Variants in TRPC6 observed in about 807,000 individuals in gnomAD.
The protein encoded by TRPC6 is transient receptor potential cation channel subfamily C member 6, also known as short transient receptor potential channel 6.
Under a neutral mutation model 90.7 loss-of-function variants are expected in TRPC6, and 55 were observed. That is an observed-to-expected ratio of 0.61 (90% CI 0.49 to 0.76). The LOEUF (loss-of-function observed/expected upper bound fraction) is 0.76, where lower values mean the gene tolerates loss of function less well. Ranked by LOEUF, TRPC6 falls within the 30% of genes least tolerant of loss-of-function variation. The probability of loss-of-function intolerance (pLI) is 0.00; values close to 1 mark genes in which losing one functional copy is unlikely to be tolerated. For missense variants in TRPC6, 989 were observed against 1,122.7 expected (o/e 0.88, Z 1.70); for synonymous variants, 393 against 393.0 (o/e 1.00, Z 0.00).
At chr11:101,463,755 G>A (rs1253365624) in intron 10 of TRPC6, among the ~76,000 whole-genome samples, 4 of 152,110 alleles carry the variant, frequency 2.6e-5, no homozygotes, top group Non-Finnish European at 5.9e-5. Flanking sequence ...CAAAAAACCA[G>A]CTCCTGCATT....
At chr11:101,503,361 C>T (rs1182886242) in intron 2 of TRPC6, among the ~76,000 whole-genome samples, 2 of 152,160 alleles carry the variant, frequency 1.3e-5, no homozygotes, top group Non-Finnish European at 2.9e-5. Flanking sequence ...TATCTTTTCC[C>T]TCATTCTCTG....
chr11:101,484,838 A>G, intron 4 of TRPC6, among the ~76,000 whole-genome samples: 1 of 152,098 alleles, frequency 6.6e-6, no homozygotes, highest in East Asian at 1.9e-4. Context: ...AATTTTTGTT[A>G]TAAGATACAC....
chr11:101,563,546 T>A, intron 1 of TRPC6, among the ~76,000 whole-genome samples: 1 of 150,950 alleles, frequency 6.6e-6, no homozygotes, highest in Non-Finnish European at 1.5e-5. Flanking sequence ...TAGGTAATCT[T>A]TTTTTTTATT....
At chr11:101,485,728 G>C (rs564914809) in intron 4 of TRPC6, among the ~76,000 whole-genome samples, 33 of 152,240 alleles carry the variant, frequency 2.2e-4, no homozygotes, top group African/African-American at 7.0e-4. Flanking sequence ...TCATACAGTA[G>C]AGCGTAAATT....
intron 1 of TRPC6, among the ~76,000 whole-genome samples, chr11:101,557,920 T>C (rs1054746387): frequency 6.6e-6 from 1 of 152,140 alleles, no homozygotes; most frequent in African/African-American, 2.4e-5. Context: ...AGAATTAATA[T>C]TATTAAAGGT....
At chr11:101,483,375 T>C (rs1185508088) in intron 4 of TRPC6, among the ~76,000 whole-genome samples, 1 of 152,194 alleles carries the variant, frequency 6.6e-6, no homozygotes, top group Non-Finnish European at 1.5e-5. Context: ...ATGTTCTTGA[T>C]TAATAACTAA....
chr11:101,538,246 T>A (rs903483296), intron 1 of TRPC6, among the ~76,000 whole-genome samples: 1 of 152,192 alleles, frequency 6.6e-6, no homozygotes, highest in Non-Finnish European at 1.5e-5. Context: ...TGCTCTTACA[T>A]CATCTTTTTT....
Position 101,483,143 on chromosome 11 carries a change from G to A in TRPC6, c.1316C>T (p.Pro439Leu), listed in dbSNP as rs745469798. ...CSKMGKIMRG[P>L]FMKFVAHAAS... ...TGCGTGTGCTACAAACTTCATGAAT[G>A]GTCCACGCATTATCTTCCCCATCTG... Residue 439 changes from proline (P) to leucine (L), a missense_variant, in exon 5 of 13, where the codon CCA (proline) becomes CTA (leucine). Physicochemically the swap from Pro to Leu is moderately conservative, Grantham distance 98. Around this residue, in one of 4 missense-constraint regions of TRPC6, gnomAD observed 486 missense variants for 591.9 expected, o/e 0.82. Coordinates refer to ENST00000344327, the MANE Select transcript of TRPC6 (RefSeq NM_004621.6). 1 of 1,613,908 alleles carries A rather than the reference G, an allele frequency of 6.2e-7. No individual in the cohort carries two copies. Among genetic ancestry groups the A allele is most frequent in the Admixed American group, 1.7e-5 (1 of 59,994 alleles).
chr11:101,524,769 T>A (rs1020457768), intron 1 of TRPC6, among the ~76,000 whole-genome samples: 4 of 152,228 alleles, frequency 2.6e-5, no homozygotes, highest in African/African-American at 9.6e-5. Flanking sequence ...CAGCAAAATT[T>A]GATGCAGTGT....
intron 1 of TRPC6, among the ~76,000 whole-genome samples, chr11:101,548,265 ATATATATAATT>A (rs1861358970): frequency 7.1e-6 from 1 of 140,684 alleles, no homozygotes; most frequent in Admixed American, 7.6e-5. Flanking sequence ...ATATATACAT[ATATATATAATT>A]TATATATATA....
At position 101,487,453 on chromosome 11, in the gene TRPC6, C is replaced by T. The variant is rs1335440053; in HGVS notation, c.1293+1484G>A. 2.0e-5 allele frequency among the ~76,000 whole-genome samples: 3 copies of T among 152,000 alleles called. No homozygotes were observed. In the South Asian group the frequency reaches 6.2e-4, roughly 32 times the overall value. On this transcript the variant is annotated intron_variant, in intron 4 of 12. Coordinates refer to ENST00000344327, the MANE Select transcript of TRPC6 (RefSeq NM_004621.6). The stretch of plus-strand genomic sequence containing the variant: ...TATACTGCATAGTGGTGAAGTCTTG[C>T]CTTTTAGTACACCAGTCACTCAAAT...
At chr11:101,526,307 A>C (rs1860778568) in intron 1 of TRPC6, among the ~76,000 whole-genome samples, 1 of 152,174 alleles carries the variant, frequency 6.6e-6, no homozygotes, top group Non-Finnish European at 1.5e-5. Flanking sequence ...ATCCATGCGA[A>C]ATGGTATTAC....
At chr11:101,475,099 G>C (rs1192973252) in intron 6 of TRPC6, among the ~76,000 whole-genome samples, 1 of 152,108 alleles carries the variant, frequency 6.6e-6, no homozygotes, top group Non-Finnish European at 1.5e-5. Context: ...ATAGAACTAT[G>C]TCATCCACCC....
intron 1 of TRPC6, among the ~76,000 whole-genome samples, chr11:101,551,073 C>G (rs1027692876): frequency 1.3e-5 from 2 of 151,764 alleles, no homozygotes; most frequent in African/African-American, 4.8e-5. Context: ...TGGTCAGTAT[C>G]CATAGTCTAG....
chr11:101,546,860 C>G (rs1001404353), intron 1 of TRPC6, among the ~76,000 whole-genome samples: 4 of 151,818 alleles, frequency 2.6e-5, no homozygotes, highest in African/African-American at 9.7e-5. Flanking sequence ...TATATTTATA[C>G]AAGGGATACT....
At chr11:101,569,154 A>G (rs1379639850) in intron 1 of TRPC6, among the ~76,000 whole-genome samples, 1 of 151,914 alleles carries the variant, frequency 6.6e-6, no homozygotes, top group Non-Finnish European at 1.5e-5. Flanking sequence ...CTCAAAATAA[A>G]GGGATGGAGG....
chr11:101,460,557 G>T (rs925523937), intron 10 of TRPC6, among the ~76,000 whole-genome samples: 1 of 152,160 alleles, frequency 6.6e-6, no homozygotes, highest in Non-Finnish European at 1.5e-5. Context: ...GACTGTGTAT[G>T]TGTGTGATAT....
In TRPC6 at chr11:101,558,424, T is replaced by C. The variant is rs546968123; in HGVS notation, c.170+24910A>G. 8.0e-4 allele frequency among the ~76,000 whole-genome samples: 89 copies of C among 110,598 alleles called. 23 individuals carry two copies. The South Asian group carries it at 0.015, about 19-fold the overall frequency. 72.6% of individuals were successfully genotyped at this position (110,598 alleles called of 152,430 possible). ...ACACACACACATATACACACACACATATCTACATATATACATATATATACA... is the reference window on the plus strand; with the variant it reads ...ACACACACACATATACACACACACACATCTACATATATACATATATATACA... On this transcript the variant is annotated intron_variant, in intron 1 of 12. Coordinates refer to ENST00000344327, the MANE Select transcript of TRPC6 (RefSeq NM_004621.6).
At chr11:101,539,324 T>G (rs975122189) in intron 1 of TRPC6, among the ~76,000 whole-genome samples, 15 of 152,190 alleles carry the variant, frequency 9.9e-5, no homozygotes, top group Non-Finnish European at 1.5e-4. Flanking sequence ...ACTTTGCTAT[T>G]AGAGTGAGGA....
Sources: gnomAD v4.1 joint callset for allele counts (sites outside exome capture counted in the v4.1 genomes callset) on GRCh38, gnomAD v4.1.1 for gene constraint, gnomAD v4.1.1 regional missense constraint, MANE v1.5 for transcripts, NCBI Gene and HGNC (gene_info 2026-07-23, HGNC 2026-07-21) for gene names.